CPNE9: variants seen among roughly 807,000 people sequenced by gnomAD.
The protein encoded by CPNE9 is copine-9.
Under a neutral mutation model 83.0 loss-of-function variants are expected in CPNE9, and 59 were observed. That is an observed-to-expected ratio of 0.71 (90% CI 0.58 to 0.88). The LOEUF (loss-of-function observed/expected upper bound fraction) is 0.88. Ranked by LOEUF, CPNE9 falls within the 40% of genes least tolerant of loss-of-function variation. CPNE9 has a pLI of 0.00. For missense variants in CPNE9, 619 were observed against 720.8 expected (o/e 0.86, Z 1.62); for synonymous variants, 256 against 273.4 (o/e 0.94, Z 0.63).
chr3:9,706,177 T>G, intron 7 of CPNE9, 114 bp downstream of exon 7: 3 of 941,054 alleles, frequency 3.2e-6, no homozygotes, highest in Non-Finnish European at 3.2e-6. Flanking sequence ...GTCAGGAGCC[T>G]GCCCCGGCTC....
At chr3:9,705,126 C>T (rs976832088) in intron 4 of CPNE9, 132 bp downstream of exon 4, 16 of 721,164 alleles carry the variant, frequency 2.2e-5, no homozygotes, top group African/African-American at 5.2e-5. Context: ...CTGAATGGCC[C>T]CCTCTAGCCT....
In CPNE9 at chr3:9,727,152, C is replaced by G. The variant is rs765353222; in HGVS notation, c.1442C>G (p.Ser481Cys). Residue 481 changes from serine (S) to cysteine (C), a missense_variant, in exon 20 of 21, where the codon TCT (serine) becomes TGT (cysteine). By Grantham distance (112) the Ser-to-Cys change is moderately radical. Coordinates refer to ENST00000383832, the MANE Select transcript of CPNE9 (RefSeq NM_153635.3). The part of the protein sequence containing the change: ...ELDGDDVRVS[S>C]RGRYAERDIV... ...GACGGTGATGATGTGCGCGTGTCCTCTAGGGGACGCTACGCAGAGCGGGAC... is the reference window on the plus strand; with the variant it reads ...GACGGTGATGATGTGCGCGTGTCCTGTAGGGGACGCTACGCAGAGCGGGAC... 1 of 1,614,152 alleles carries G rather than the reference C, an allele frequency of 6.2e-7. No individual in the cohort carries two copies. The highest frequency in any genetic ancestry group is 1.7e-5 in the Admixed American group (1 of 60,020).
chr3:9,705,088 G>C (rs1019668335), intron 4 of CPNE9, 94 bp downstream of exon 4: 2 of 920,944 alleles, frequency 2.2e-6, no homozygotes, highest in Non-Finnish European at 3.4e-6. Context: ...CCTCCGGCCT[G>C]GTTCTTCTCG....
chr3:9,705,779 G>C, intron 6 of CPNE9, 59 bp downstream of exon 6: 1 of 1,577,434 alleles, frequency 6.3e-7, no homozygotes, highest in South Asian at 1.1e-5. Context: ...TGGAGAACAG[G>C]CTTGGACTGA....
chr3:9,705,863 C>T (rs1575114776), intron 6 of CPNE9, 124 bp from the exon 7 acceptor site: 4 of 1,334,910 alleles, frequency 3.0e-6, no homozygotes, highest in South Asian at 1.3e-5. Context: ...CATGTAGGGC[C>T]GTGGCTCTTG....
chr3:9,725,667 TATATATGTGTATATATATATAC>T (rs1418175347), intron 17 of CPNE9, among the ~76,000 whole-genome samples: 2 of 30,882 alleles, frequency 6.5e-5, no homozygotes, highest in African/African-American at 2.1e-4. Flanking sequence ...TATATATGTA[TATATATGTGTATATATATATAC>T]ATATATGTGT....
intron 16 of CPNE9, 56 bp downstream of exon 16, chr3:9,718,266 T>G: frequency 1.3e-6 from 2 of 1,517,856 alleles, no homozygotes; most frequent in Non-Finnish European, 1.8e-6. Flanking sequence ...TCACCCAAGT[T>G]GATGATTTTG....
At chr3:9,706,116 CCT>C in intron 7 of CPNE9, 53 bp downstream of exon 7, 2 of 1,561,744 alleles carry the variant, frequency 1.3e-6, no homozygotes, top group Non-Finnish European at 8.8e-7. Context: ...CCAAATTCTC[CCT>C]CCCAAGGATG....
intron 14 of CPNE9, 101 bp from the exon 15 acceptor site, chr3:9,716,957 A>T: frequency 7.9e-7 from 1 of 1,262,430 alleles, no homozygotes; most frequent in Non-Finnish European, 1.1e-6. Flanking sequence ...TCTGCATTTT[A>T]ACATGAGCCC....
chr3:9,705,570 G>C, intron 5 of CPNE9, 70 bp downstream of exon 5: 2 of 1,577,516 alleles, frequency 1.3e-6, no homozygotes, highest in South Asian at 1.1e-5. Flanking sequence ...ACGACTCTCA[G>C]AACTCCTCCC....
At chr3:9,723,246 C>T (rs1330798484) in intron 17 of CPNE9, among the ~76,000 whole-genome samples, 9 of 152,048 alleles carry the variant, frequency 5.9e-5, no homozygotes, top group Admixed American at 1.3e-4. Context: ...CCGAGGCGGG[C>T]GGATCACTTG....
At chr3:9,716,938 G>T in intron 14 of CPNE9, 120 bp from the exon 15 acceptor site, 2 of 1,043,722 alleles carry the variant, frequency 1.9e-6, no homozygotes, top group East Asian at 2.5e-5. Context: ...CAGACCATCT[G>T]GATCAGAATC....
intron 17 of CPNE9, among the ~76,000 whole-genome samples, chr3:9,725,718 GTA>G (rs2076778392): frequency 1.5e-5 from 1 of 65,454 alleles, no homozygotes; most frequent in Admixed American, 1.7e-4. Context: ...GTATATATGT[GTA>G]TATGTATATA....
At chr3:9,725,716 GTGTATATGTATATATTTCA>G in intron 17 of CPNE9, among the ~76,000 whole-genome samples, 1 of 145,782 alleles carries the variant, frequency 6.9e-6, no homozygotes, top group Non-Finnish European at 1.5e-5. Context: ...GTGTATATAT[GTGTATATGTATATATTTCA>G]TATATATGTA....
At position 9,707,707 on chromosome 3, in the gene CPNE9, C is replaced by T. The variant is rs182013343; in HGVS notation, c.377+1644C>T. Among the ~76,000 whole-genome samples the T allele has an allele frequency of 1.9e-3, 292 of 149,974 alleles. 1 individual carries two copies. Among genetic ancestry groups the T allele is most frequent in the African/African-American group, 6.5e-3 (266 of 40,854 alleles). On this transcript the variant is annotated intron_variant, in intron 7 of 20. Transcript: ENST00000383832. ...GGCTGAGGTGGGAGGATCACTTGAG[C>T]CCAGGAGTTTAAACTCCTGGGCTCA...
chr3:9,716,069 C>T (rs773678423), intron 14 of CPNE9, 34 bp downstream of exon 14: 23 of 1,582,444 alleles, frequency 1.5e-5, no homozygotes, highest in South Asian at 2.3e-5. Flanking sequence ...GCTGAAAGCC[C>T]GGCAATAAAT....
chr3:9,729,665 C>T lies in CPNE9; in HGVS notation c.1635C>T (p.Ser545=), dbSNP rs1559648410. 1.2e-6 allele frequency: 2 copies of T among 1,613,740 alleles called. No homozygotes were observed. Among genetic ancestry groups the T allele is most frequent in the Non-Finnish European group, 1.7e-6 (2 of 1,179,744 alleles). The change falls in exon 21 of 21, where the codon AGC becomes AGT. Residue 545 remains serine (S), a synonymous_variant. Transcript: ENST00000383832. ...QPRPPPPANP[S]PIPAPEQP ...GGCCCCCACCCCCTGCCAACCCCAG[C>T]CCGATCCCAGCTCCAGAGCAGCCCT...
At chr3:9,705,646 C>G (rs1211742341) in intron 5 of CPNE9, 72 bp from the exon 6 acceptor site, 2 of 1,594,936 alleles carry the variant, frequency 1.3e-6, no homozygotes, top group Non-Finnish European at 1.7e-6. Context: ...TCTCCTCCTG[C>G]CTGAGTGTCC....
chr3:9,724,622 C>T (rs972459023), intron 17 of CPNE9, among the ~76,000 whole-genome samples: 2 of 152,168 alleles, frequency 1.3e-5, no homozygotes, highest in Non-Finnish European at 2.9e-5. Context: ...GCTGTTCCCC[C>T]TTCCTAGAAA....
Sources: gnomAD v4.1 joint callset for allele counts (sites outside exome capture counted in the v4.1 genomes callset) on GRCh38, gnomAD v4.1.1 for gene constraint, MANE v1.5 for transcripts, NCBI Gene and HGNC (gene_info 2026-07-23, HGNC 2026-07-21) for gene names.